CNTN6: variants seen among roughly 807,000 people sequenced by gnomAD.
CNTN6 encodes the protein contactin-6.
CNTN6 carries 137 observed loss-of-function variants against 122.8 expected under a neutral mutation model. The observed-to-expected ratio is 1.12, with a 90% confidence interval of 0.97 to 1.29. The LOEUF is 1.29. CNTN6 is among the 50% of genes most tolerant of loss of function. The probability of loss-of-function intolerance (pLI) is 0.00; values close to 1 mark genes in which losing one functional copy is unlikely to be tolerated. For synonymous variants in CNTN6, 570 were observed against 426.0 expected (o/e 1.34, Z -4.16); for missense variants, 1,634 against 1,223.4 (o/e 1.34, Z -5.01).
intron 11 of CNTN6, among the ~76,000 whole-genome samples, chr3:1,340,369 ATGT>A (rs1479635218): frequency 1.3e-5 from 2 of 152,188 alleles, no homozygotes; most frequent in African/African-American, 2.4e-5. Flanking sequence ...ATAAGTCAAC[ATGT>A]TGTCCAAATA....
At chr3:1,402,896 A>T (rs1433152079) in intron 22 of CNTN6, 1 of 191,052 alleles carries the variant, frequency 5.2e-6, no homozygotes, top group Non-Finnish European at 1.1e-5. Context: ...TGTGGCTTTC[A>T]TAAGGAGCTG....
chr3:1,305,024 T>C (rs1698127513), intron 7 of CNTN6, among the ~76,000 whole-genome samples: 2 of 146,948 alleles, frequency 1.4e-5, no homozygotes, highest in South Asian at 4.3e-4. Flanking sequence ...AAAGATAAAC[T>C]TGTAAAAATT....
chr3:1,210,590 A>G (rs2094023158), intron 2 of CNTN6, among the ~76,000 whole-genome samples: 1 of 152,182 alleles, frequency 6.6e-6, no homozygotes, highest in South Asian at 2.1e-4. Context: ...GAGCTTTTAT[A>G]GTACTGAAAG....
In CNTN6 at chr3:1,385,743, A is replaced by G. The variant is rs964317281; in HGVS notation, c.2650A>G (p.Thr884Ala). The change falls in exon 20 of 23, where the codon ACT (threonine) becomes GCT (alanine). Residue 884 changes from threonine (T) to alanine (A), a missense_variant. Transcript: ENST00000446702. ...IYFASVRAYN[T>A]AGTGPSSPPV... ...CTTTGCTTCCGTAAGAGCTTACAAC[A>G]CTGCTGGGACAGGGCCCTCAAGCCC... 1.2e-6 allele frequency: 2 copies of G among 1,613,876 alleles called. No homozygotes were observed. Among genetic ancestry groups the G allele is most frequent in the Non-Finnish European group, 1.7e-6 (2 of 1,179,944 alleles).
chr3:1,278,591 T>C (rs952391990), intron 5 of CNTN6, 83 bp downstream of exon 5: 1 of 778,848 alleles, frequency 1.3e-6, no homozygotes, highest in South Asian at 2.0e-5. Flanking sequence ...GGCTCAGTGA[T>C]CACCTTTTAT....
intron 4 of CNTN6, among the ~76,000 whole-genome samples, chr3:1,265,917 G>C (rs1020354270): frequency 6.6e-6 from 1 of 151,338 alleles, no homozygotes; most frequent in East Asian, 1.9e-4. Flanking sequence ...AAATTTGTTT[G>C]AAAAAACATA....
Position 1,154,183 on chromosome 3 carries a change from T to C in CNTN6, c.55+6120T>C, listed in dbSNP as rs1219547089. Among the ~76,000 whole-genome samples, 8 of 147,754 alleles carry C rather than the reference T, an allele frequency of 5.4e-5. No individual in the cohort carries two copies. The South Asian group carries it at 1.3e-3, about 23-fold the overall frequency. ...ATGAAATTGTTAGGACTGATAAGAA[T>C]GTAGGAAAAAAAATTATGTTTTGTC... is the stretch of plus-strand genomic sequence containing the variant. On this transcript the variant is annotated intron_variant, in intron 2 of 22. Coordinates refer to ENST00000446702, the MANE Select transcript of CNTN6 (RefSeq NM_001289080.2).
chr3:1,402,247 G>A (rs1192122248), intron 21 of CNTN6, 71 bp from the exon 22 acceptor site: 2 of 1,240,430 alleles, frequency 1.6e-6, no homozygotes, highest in Non-Finnish European at 2.3e-6. Context: ...GTCTTACAGT[G>A]TTCCAGAACA....
chr3:1,205,196 A>G (rs548290419), intron 2 of CNTN6, among the ~76,000 whole-genome samples: 2 of 152,152 alleles, frequency 1.3e-5, no homozygotes, highest in South Asian at 4.1e-4. Context: ...AGGCAAGGAA[A>G]CAGATTTCAC....
chr3:1,384,379 C>A (rs1692424718), intron 19 of CNTN6, among the ~76,000 whole-genome samples: 1 of 142,696 alleles, frequency 7.0e-6, no homozygotes, highest in Non-Finnish European at 1.5e-5. Flanking sequence ...TTGTGAATTG[C>A]AGTATAACTT....
intron 2 of CNTN6, among the ~76,000 whole-genome samples, chr3:1,214,636 A>G (rs1254320271): frequency 6.6e-6 from 1 of 152,050 alleles, no homozygotes; most frequent in Non-Finnish European, 1.5e-5. Flanking sequence ...TGAAAGATAT[A>G]TTGGTGATAA....
intron 11 of CNTN6, among the ~76,000 whole-genome samples, chr3:1,342,910 T>C (rs2126043203): frequency 6.6e-6 from 1 of 152,148 alleles, no homozygotes; most frequent in East Asian, 1.9e-4. Flanking sequence ...TATACTTGAG[T>C]TTTTTTCATT....
At chr3:1,313,460 C>T (rs968044047) in intron 7 of CNTN6, among the ~76,000 whole-genome samples, 23 of 152,082 alleles carry the variant, frequency 1.5e-4, no homozygotes, top group African/African-American at 5.3e-4. Context: ...AGAATGTACT[C>T]TCATGGATAT....
intron 2 of CNTN6, among the ~76,000 whole-genome samples, chr3:1,203,272 T>A (rs2093910426): frequency 1.3e-5 from 2 of 152,070 alleles, no homozygotes; most frequent in Admixed American, 6.6e-5. Flanking sequence ...AGAAAAGAGC[T>A]CACAAAGAAC....
At chr3:1,191,426 C>G (rs75797322) in intron 2 of CNTN6, among the ~76,000 whole-genome samples, 7,329 of 152,194 alleles carry the variant, frequency 0.048, 589 homozygotes, top group African/African-American at 0.16. Context: ...AGTCCCTAGC[C>G]TATGAGGTTT....
chr3:1,179,363 G>C (rs2093513150), intron 2 of CNTN6, among the ~76,000 whole-genome samples: 7 of 152,020 alleles, frequency 4.6e-5, no homozygotes, highest in Admixed American at 4.6e-4. Context: ...ACACACTTTT[G>C]TAACTCTCAA....
intron 11 of CNTN6, among the ~76,000 whole-genome samples, chr3:1,349,836 C>T (rs1054451166): frequency 5.3e-5 from 8 of 151,470 alleles, no homozygotes; most frequent in African/African-American, 1.7e-4. Flanking sequence ...TTTAATATCT[C>T]ATTAATTAAA....
chr3:1,259,087 C>G (rs114894425), intron 4 of CNTN6, among the ~76,000 whole-genome samples: 62 of 152,236 alleles, frequency 4.1e-4, no homozygotes, highest in Non-Finnish European at 8.1e-4. Context: ...CTGCAGAGCA[C>G]TGGAGTTCAC....
chr3:1,312,246 CAT>C (rs1699448725), intron 7 of CNTN6, among the ~76,000 whole-genome samples: 1 of 151,436 alleles, frequency 6.6e-6, no homozygotes, highest in African/African-American at 2.4e-5. Context: ...TTTCAAGGAG[CAT>C]AGAGTGGATT....
Sources: gnomAD v4.1 joint callset for allele counts (sites outside exome capture counted in the v4.1 genomes callset) on GRCh38, gnomAD v4.1.1 for gene constraint, MANE v1.5 for transcripts, NCBI Gene and HGNC (gene_info 2026-07-23, HGNC 2026-07-21) for gene names.